Variants in AADACL3 observed in about 807,000 individuals in gnomAD.
AADACL3 encodes the protein arylacetamide deacetylase-like 3.
In AADACL3, 13 loss-of-function variants were observed where a neutral mutation model predicts 13.6. The observed-to-expected ratio is 0.95, with a 90% CI of 0.62 to 1.52. The LOEUF (loss-of-function observed/expected upper bound fraction) is 1.52. AADACL3 is among the 40% of genes most tolerant of loss of function. The probability of loss-of-function intolerance (pLI) is 0.00; values close to 1 mark genes in which losing one functional copy is unlikely to be tolerated. For synonymous variants in AADACL3, 195 were observed against 197.0 expected (o/e 0.99, Z 0.08); for missense variants, 519 against 499.2 (o/e 1.04, Z -0.38).
rs185842583 is a variant in AADACL3, at chr1:12,728,535, A to G, written c.*2539A>G. 21 of 152,336 alleles carry G rather than the reference A, an allele frequency of 1.4e-4. No homozygotes were observed. Among genetic ancestry groups the G allele is most frequent in the Admixed American group, 3.9e-4 (6 of 15,286 alleles). 9.4% of individuals were successfully genotyped at this position (152,336 alleles called of 1,614,324 possible). ...GCAGTAGCCTAGGCTACTATTTTCT[A>G]TGTGGGGTTTGCACATTCTGCCCAT... On this transcript the variant is annotated 3_prime_UTR_variant, in exon 4 of 4. Coordinates refer to ENST00000359318, the MANE Select transcript of AADACL3 (RefSeq NM_001103170.3).
In AADACL3 at chr1:12,726,179, G is replaced by T; in HGVS notation, c.*183G>T. The T allele has an allele frequency of 1.5e-6, 1 of 657,796 alleles. No individual in the cohort carries two copies. Among genetic ancestry groups the T allele is most frequent in the Non-Finnish European group, 2.5e-6 (1 of 401,144 alleles). The allele number at this position is 657,796 out of a possible 1,614,324, so 40.7% of individuals were successfully genotyped here. On this transcript the variant is annotated 3_prime_UTR_variant, in exon 4 of 4. Coordinates refer to ENST00000359318, the MANE Select transcript of AADACL3 (RefSeq NM_001103170.3). ...CATGCTCCTGATGTCCAGAGGACGT[G>T]GTAGAAAAGACAGGTTTGGAGGTGG...
In AADACL3 at chr1:12,725,592, C is replaced by T. The variant is rs1228633059; in HGVS notation, c.820C>T (p.Pro274Ser). 2 of 1,614,034 alleles carry T rather than the reference C, an allele frequency of 1.2e-6. No homozygotes were observed. Among genetic ancestry groups the T allele is most frequent in the East Asian group, 2.2e-5 (1 of 44,878 alleles). Reference sequence around the variant, plus strand: ...GGTCATCATGAAAGGTGCCCATTTGCCTGCTGAAGTCTGGGAAAAGTACAG... The same window carrying T: ...GGTCATCATGAAAGGTGCCCATTTGTCTGCTGAAGTCTGGGAAAAGTACAG... ...QEVIMKGAHL[P>S]AEVWEKYRKW... The change falls in exon 4 of 4, where the codon CCT becomes TCT. Residue 274 changes from proline to serine, a missense_variant. By Grantham distance (74) the Pro-to-Ser change is moderately conservative (BLOSUM62 -1). Coordinates refer to ENST00000359318, the MANE Select transcript of AADACL3 (RefSeq NM_001103170.3).
chr1:12,723,719 T>G (rs1039798608), intron 3 of AADACL3, among the ~76,000 whole-genome samples: 11 of 152,146 alleles, frequency 7.2e-5, no homozygotes, highest in African/African-American at 2.7e-4. Flanking sequence ...GCTCAGGCGA[T>G]TCATCTGCCT....
intron 1 of AADACL3, among the ~76,000 whole-genome samples, chr1:12,717,022 G>A (rs1648451938): frequency 6.6e-6 from 1 of 152,208 alleles, no homozygotes; most frequent in Non-Finnish European, 1.5e-5. Flanking sequence ...ACCTGTAAAT[G>A]GAACTGTGTA....
chr1:12,720,655 G>A (rs1357509891), intron 2 of AADACL3, among the ~76,000 whole-genome samples: 1 of 152,186 alleles, frequency 6.6e-6, no homozygotes, highest in Non-Finnish European at 1.5e-5. Context: ...GAGCTTCACA[G>A]ATATTTTTAA....
intron 1 of AADACL3, among the ~76,000 whole-genome samples, chr1:12,718,492 G>T (rs540960080): frequency 6.6e-6 from 1 of 151,954 alleles, no homozygotes; most frequent in African/African-American, 2.4e-5. Flanking sequence ...CTTTATTTAC[G>T]TATTTTTAAC....
In AADACL3 at chr1:12,725,498, A is replaced by T; in HGVS notation, c.726A>T (p.Pro242=). 6.2e-7 allele frequency: 1 copy of T among 1,613,994 alleles called. No individual in the cohort carries two copies. Among genetic ancestry groups the T allele is most frequent in the Non-Finnish European group, 8.5e-7 (1 of 1,179,974 alleles). ...CGTTTCAACAGAGGAAAAACATCCC[A>T]CTGCTCACCTGGAGTTTCATCTGCT... is the stretch of plus-strand genomic sequence containing the variant. ...TPSFQQRKNI[P]LLTWSFICYF... Residue 242 remains proline (P), a synonymous_variant, in exon 4 of 4, where the codon CCA becomes CCT. Transcript: ENST00000359318.
chr1:12,716,222 T>A lies in AADACL3; in HGVS notation c.46T>A (p.Ser16Thr). The A allele has an allele frequency of 7.7e-7, 1 of 1,295,992 alleles. No homozygotes were observed. The highest frequency in any genetic ancestry group is 1.1e-6 in the Non-Finnish European group (1 of 891,926). 80.3% of individuals were successfully genotyped at this position (1,295,992 alleles called of 1,614,324 possible). A position where few individuals can be genotyped will look rare whatever the true frequency, so the allele number is the denominator to read the frequency against. ...CTTCCTCGCAGCAGCCTGCGTGTTC[T>A]CACTAGGGGTCACTCTGTGGGTCAT... ...LIFLAAACVF[S>T]LGVTLWVICS... Residue 16 changes from serine to threonine, a missense_variant, in exon 1 of 4, where the codon TCA (serine) becomes ACA (threonine). Transcript: ENST00000359318.
At chr1:12,724,479 G>C (rs1332493460) in intron 3 of AADACL3, among the ~76,000 whole-genome samples, 1 of 151,938 alleles carries the variant, frequency 6.6e-6, no homozygotes, top group African/African-American at 2.4e-5. Flanking sequence ...CATTATTTGA[G>C]ACCCTGCTTT....
intron 3 of AADACL3, among the ~76,000 whole-genome samples, chr1:12,722,098 G>C (rs1305951511): frequency 6.6e-6 from 1 of 152,108 alleles, no homozygotes; most frequent in African/African-American, 2.4e-5. Context: ...AGGCCAAGGT[G>C]GGTGGATCAC....
rs754131602 is a variant in AADACL3 at position 12,719,625 on chromosome 1, T to C, written c.319T>C (p.Ser107Pro). Residue 107 changes from serine to proline, a missense_variant, in exon 2 of 4, where the codon TCC (serine) becomes CCC (proline). Transcript: ENST00000359318. ...IPVKLYQPKA[S>P]TCTLKPGIVY... is the part of the protein sequence containing the mutation. ...TGTGAAGCTGTACCAACCCAAGGCA[T>C]CCACCTGCACCCTGAAGCCTGGCAT... is the stretch of plus-strand genomic sequence containing the variant. The C allele has an allele frequency of 6.2e-7, 1 of 1,614,032 alleles. No homozygotes were observed. The highest frequency in any genetic ancestry group is 1.3e-5 in the African/African-American group (1 of 74,912).
chr1:12,722,382 G>C (rs1311281383), intron 3 of AADACL3, among the ~76,000 whole-genome samples: 2 of 149,210 alleles, frequency 1.3e-5, no homozygotes, highest in East Asian at 3.9e-4. Flanking sequence ...AGATGAGAGA[G>C]AGACCTGGAT....
intron 1 of AADACL3, among the ~76,000 whole-genome samples, chr1:12,718,745 C>G (rs1002386695): frequency 6.6e-6 from 1 of 152,198 alleles, no homozygotes. Context: ...AAGTGACCCA[C>G]CAGCCTTGGC....
chr1:12,722,249 C>T (rs1291709647), intron 3 of AADACL3, among the ~76,000 whole-genome samples: 1 of 147,740 alleles, frequency 6.8e-6, no homozygotes, highest in Non-Finnish European at 1.5e-5. Flanking sequence ...ATCACTTGAA[C>T]CCAGAAGGCA....
chr1:12,716,320 C>A lies in AADACL3; in HGVS notation c.144C>A (p.Cys48Ter). Reference sequence around the variant, plus strand: ...CTGTGAAACTGAGAGTCCTCCATTGCATCTTCCAGCTGCTGTTGACTTGGG... The same window carrying A: ...CTGTGAAACTGAGAGTCCTCCATTGAATCTTCCAGCTGCTGTTGACTTGGG... ...GHPVKLRVLH[C>*]IFQLLLTWGM... The change falls in exon 1 of 4, where the codon TGC (cysteine) becomes TGA (stop). Residue 48 changes from cysteine (C) to a stop codon, truncating the protein, a stop_gained. Transcript: ENST00000359318. LOFTEE classifies it high-confidence loss of function. 1 of 1,614,224 alleles carries A rather than the reference C, an allele frequency of 6.2e-7. No homozygotes were observed. Among genetic ancestry groups the A allele is most frequent in the Non-Finnish European group, 8.5e-7 (1 of 1,180,028 alleles).
At chr1:12,719,447 G>T (rs367966099) in intron 1 of AADACL3, 28 bp from the exon 2 acceptor site, 3 of 1,600,812 alleles carry the variant, frequency 1.9e-6, no homozygotes, top group Non-Finnish European at 2.6e-6. Context: ...AACCCATCTC[G>T]ACCCATCATT....
chr1:12,724,089 T>C (rs901285432), intron 3 of AADACL3, among the ~76,000 whole-genome samples: 4 of 152,230 alleles, frequency 2.6e-5, no homozygotes, highest in African/African-American at 9.6e-5. Context: ...CGGTTGGCTT[T>C]ATGCATTTTT....
intron 3 of AADACL3, among the ~76,000 whole-genome samples, chr1:12,722,494 A>G (rs1569627872): frequency 6.6e-6 from 1 of 151,942 alleles, no homozygotes; most frequent in East Asian, 1.9e-4. Context: ...AAACCAAGAG[A>G]TCGTCAGTAG....
intron 3 of AADACL3, among the ~76,000 whole-genome samples, chr1:12,724,786 A>G (rs1638333914): frequency 6.6e-6 from 1 of 152,160 alleles, no homozygotes; most frequent in Non-Finnish European, 1.5e-5. Flanking sequence ...GGCCTGGCCA[A>G]CCTGCTGTAT....
Sources: allele counts gnomAD v4.1 joint callset (sites outside exome capture counted in the v4.1 genomes callset), GRCh38; gene constraint gnomAD v4.1.1; transcripts MANE v1.5; gene names NCBI Gene and HGNC (gene_info 2026-07-23, HGNC 2026-07-21).